The following TXLNB variants were observed in gnomAD, a reference collection of about 807,000 sequenced individuals.
TXLNB encodes taxilin beta, also known as beta-taxilin.
In TXLNB, 37 loss-of-function variants were observed where a neutral mutation model predicts 57.4. The ratio of observed to expected loss-of-function variants is 0.64; its 90% confidence interval spans 0.50 to 0.85. TXLNB has a LOEUF of 0.85. TXLNB is among the 40% of genes least tolerant of loss of function. The pLI is 0.00. For synonymous variants in TXLNB, 302 were observed against 309.6 expected (o/e 0.98, Z 0.26); for missense variants, 848 against 825.6 (o/e 1.03, Z -0.33).
chr6:139,213,413 T>C, the TXLNB span, among the ~76,000 whole-genome samples: 3 of 152,186 alleles, frequency 2.0e-5, no homozygotes, highest in East Asian at 3.9e-4. Flanking sequence ...GAAATAAAGA[T>C]GTTCTTTGAA....
the TXLNB span, among the ~76,000 whole-genome samples, chr6:139,301,088 G>A: frequency 6.6e-6 from 1 of 152,110 alleles, no homozygotes; most frequent in Non-Finnish European, 1.5e-5. Flanking sequence ...CTAACTCCAG[G>A]GGTCACTGTT....
the TXLNB span, among the ~76,000 whole-genome samples, chr6:139,190,492 G>A: frequency 6.6e-6 from 1 of 151,906 alleles, no homozygotes; most frequent in Non-Finnish European, 1.5e-5. Flanking sequence ...GGTATTTTTA[G>A]TAGAGACGGG....
At chr6:139,200,987 T>C in the TXLNB span, among the ~76,000 whole-genome samples, 9 of 152,100 alleles carry the variant, frequency 5.9e-5, no homozygotes, top group Non-Finnish European at 1.3e-4. Context: ...TTTAATCATT[T>C]TTCCTCCCCT....
At chr6:139,235,180 A>G (rs1775822489), downstream of TXLNB, among the ~76,000 whole-genome samples, 1 of 151,946 alleles carries the variant, frequency 6.6e-6, no homozygotes. Context: ...CAAATGTTGC[A>G]TTTTCCAAGA....
At chr6:139,239,884 A>C (rs371667596), downstream of TXLNB, among the ~76,000 whole-genome samples, 1,160 of 150,232 alleles carry the variant, frequency 7.7e-3, 7 homozygotes, top group Non-Finnish European at 9.0e-3. The surrounding 1 kb of genome is among the most constrained non-coding windows in gnomAD (Gnocchi z 4.7). Flanking sequence ...ACACACACAC[A>C]CCCCCGCCCC....
the TXLNB span, among the ~76,000 whole-genome samples, chr6:139,311,796 C>T: frequency 6.6e-6 from 1 of 152,070 alleles, no homozygotes; most frequent in African/African-American, 2.4e-5. Flanking sequence ...CAGCAAAGTA[C>T]CGTAGGCTGG....
At chr6:139,166,468 C>T in the TXLNB span, 58 of 1,614,174 alleles carry the variant, frequency 3.6e-5, no homozygotes, top group South Asian at 6.4e-4. Context: ...GCCGCGCGCG[C>T]AGCTGGAACG....
intron 7 of TXLNB, among the ~76,000 whole-genome samples, chr6:139,252,673 G>A (rs143263347): frequency 3.2e-3 from 490 of 152,224 alleles, no homozygotes; most frequent in African/African-American, 9.6e-3. Flanking sequence ...CTTTTCCAGC[G>A]GTTCTTCAAC....
At chr6:139,247,532 CTTTTTTTTTTTTTT>C (rs61368061) in intron 8 of TXLNB, among the ~76,000 whole-genome samples, 3 of 63,078 alleles carry the variant, frequency 4.8e-5, no homozygotes, top group Non-Finnish European at 6.2e-5. Context: ...CTCTGGTCTT[CTTTTTTTTTTTTTT>C]TTTTTTTTTT....
At chr6:139,218,873 G>A in the TXLNB span, among the ~76,000 whole-genome samples, 1 of 152,164 alleles carries the variant, frequency 6.6e-6, no homozygotes, top group African/African-American at 2.4e-5. Context: ...GGAACCCATG[G>A]GAAAATAGAA....
rs189540613 is a variant in TXLNB at position 139,278,743 on chromosome 6, C to T, written c.425-1822G>A. Reference sequence around the variant, plus strand: ...AAAGCTGGCCAGGCACGGTGGCTCACGCCTGTAATCCCAACACTTTGGGAG... The same window carrying T: ...AAAGCTGGCCAGGCACGGTGGCTCATGCCTGTAATCCCAACACTTTGGGAG... On this transcript the variant is annotated intron_variant, in intron 2 of 9. Transcript: ENST00000358430. 2.2e-4 allele frequency among the ~76,000 whole-genome samples: 33 copies of T among 152,324 alleles called. No homozygotes were observed. The East Asian group carries it at 2.7e-3, about 12-fold the overall frequency.
At chr6:139,232,833 T>C in the TXLNB span, among the ~76,000 whole-genome samples, 3 of 152,226 alleles carry the variant, frequency 2.0e-5, no homozygotes, top group African/African-American at 7.2e-5. Flanking sequence ...TTTACCACAT[T>C]CGTATTTTTC....
At chr6:139,313,155 CT>C in the TXLNB span, among the ~76,000 whole-genome samples, 7 of 151,890 alleles carry the variant, frequency 4.6e-5, no homozygotes, top group Non-Finnish European at 1.0e-4. Flanking sequence ...TCGCTGCAAG[CT>C]CTGCCTCCCG....
chr6:139,227,542 A>G, the TXLNB span, among the ~76,000 whole-genome samples: 1 of 152,318 alleles, frequency 6.6e-6, no homozygotes, highest in Non-Finnish European at 1.5e-5. Context: ...AAATAGACAC[A>G]TGTCATATAA....
At chr6:139,207,262 G>A in the TXLNB span, among the ~76,000 whole-genome samples, 11 of 152,264 alleles carry the variant, frequency 7.2e-5, no homozygotes, top group South Asian at 1.7e-3. Context: ...ATTTAAGAAA[G>A]TCAAAATCAT....
chr6:139,179,042 A>G, the TXLNB span: 1 of 152,232 alleles, frequency 6.6e-6, no homozygotes, highest in Non-Finnish European at 1.5e-5. Context: ...GAAGAAATGC[A>G]TAAAATGCCT....
intron 7 of TXLNB, chr6:139,251,482 G>T (rs1776203733): frequency 6.6e-6 from 1 of 152,118 alleles, no homozygotes; most frequent in African/African-American, 2.4e-5. Flanking sequence ...TTACTAAATG[G>T]ATATTTGTTT....
At chr6:139,171,400 C>A in the TXLNB span, among the ~76,000 whole-genome samples, 1 of 151,970 alleles carries the variant, frequency 6.6e-6, no homozygotes, top group African/African-American at 2.4e-5. Context: ...TTAGATGTGC[C>A]CACAAAGATA....
At chr6:139,253,959 C>T (rs968789467) in intron 7 of TXLNB, among the ~76,000 whole-genome samples, 1 of 152,126 alleles carries the variant, frequency 6.6e-6, no homozygotes, top group Non-Finnish European at 1.5e-5. Flanking sequence ...TGAGGTCACA[C>T]CCCCTTTCCT....
Sources: allele counts gnomAD v4.1 joint callset (sites outside exome capture counted in the v4.1 genomes callset), GRCh38; gene constraint gnomAD v4.1.1; non-coding constraint Gnocchi (gnomAD v3.1); transcripts MANE v1.5; gene names NCBI Gene and HGNC (gene_info 2026-07-23, HGNC 2026-07-21).